ACAN: variants seen among roughly 807,000 people sequenced by gnomAD.
ACAN encodes aggrecan.
ACAN carries 47 observed loss-of-function variants against 169.1 expected under a neutral mutation model. The observed-to-expected ratio is 0.28, with a 90% confidence interval of 0.22 to 0.35. ACAN has a LOEUF of 0.35. Ranked by LOEUF, ACAN falls within the 10% of genes least tolerant of loss-of-function variation. ACAN has a pLI of 1.00. For missense variants in ACAN, 2,716 were observed against 2,759.9 expected, an observed-to-expected ratio of 0.98 and a Z score of 0.36; for synonymous variants, 1,115 against 1,112.2, an observed-to-expected ratio of 1.00 and a Z score of -0.05.
intron 13 of ACAN, among the ~76,000 whole-genome samples, chr15:88,867,600 T>C (rs1897301421): frequency 6.6e-6 from 1 of 152,206 alleles, no homozygotes; most frequent in Non-Finnish European, 1.5e-5. Flanking sequence ...TAATATCTAC[T>C]GAAGACAAAG....
chr15:88,865,444 T>G (rs980295441), intron 13 of ACAN, among the ~76,000 whole-genome samples: 1 of 152,170 alleles, frequency 6.6e-6, no homozygotes, highest in African/African-American at 2.4e-5. Context: ...CTTTCTTTTC[T>G]GTTTTGTTTT....
At position 88,843,018 on chromosome 15, in the gene ACAN, G is replaced by A. The variant is rs562656722; in HGVS notation, c.758-337G>A. ...TGAGTAGGCAATGCTTAACTCCTAG[G>A]AAAGATCCCCCTGTGGTGGAATGCA... On this transcript the variant is annotated intron_variant, in intron 5 of 18. Coordinates refer to ENST00000560601, the MANE Select transcript of ACAN (RefSeq NM_001369268.1). This position sits in a 1 kb window ranked among gnomAD's most constrained non-coding sequence, Gnocchi z 4.0. 2.6e-5 allele frequency among the ~76,000 whole-genome samples: 4 copies of A among 152,328 alleles called. No homozygotes were observed. The highest frequency in any genetic ancestry group is 9.6e-5 in the African/African-American group (4 of 41,578).
intron 11 of ACAN, among the ~76,000 whole-genome samples, chr15:88,853,018 A>G (rs1449860734): frequency 1.3e-5 from 2 of 152,182 alleles, no homozygotes; most frequent in South Asian, 4.1e-4. Flanking sequence ...GCCTCCCTCC[A>G]TATCAGAAGG....
intron 1 of ACAN, among the ~76,000 whole-genome samples, chr15:88,806,160 G>A (rs1164450362): frequency 1.3e-5 from 2 of 152,168 alleles, no homozygotes; most frequent in Non-Finnish European, 2.9e-5. Context: ...CCTCCGATAA[G>A]AGATTTTTGT....
chr15:88,818,841 T>C (rs1896005469), intron 1 of ACAN, among the ~76,000 whole-genome samples: 1 of 152,234 alleles, frequency 6.6e-6, no homozygotes, highest in Non-Finnish European at 1.5e-5. Context: ...ATGGTGATAA[T>C]GGTTGCATAA....
At chr15:88,812,658 C>T (rs1895849477) in intron 1 of ACAN, among the ~76,000 whole-genome samples, 3 of 152,166 alleles carry the variant, frequency 2.0e-5, no homozygotes, top group Non-Finnish European at 4.4e-5. Context: ...GTTCAAATGT[C>T]ACCTCCTCTT....
In ACAN at chr15:88,807,747, A is replaced by AGTGTGTGTGTGTGTGT. The variant is rs33937048; in HGVS notation, c.-8+3962_-8+3977dup. Among the ~76,000 whole-genome samples the AGTGTGTGTGTGTGTGT allele has an allele frequency of 1.6e-4, 23 of 142,088 alleles. No individual in the cohort carries two copies. The highest frequency in any genetic ancestry group is 1.5e-3 in the East Asian group (7 of 4,648). 93.2% of individuals were successfully genotyped at this position (142,088 alleles called of 152,430 possible). A position where few individuals can be genotyped will look rare whatever the true frequency, so the allele number is the denominator to read the frequency against. On this transcript the variant is annotated intron_variant, in intron 1 of 18. Transcript: ENST00000560601. This position sits in a 1 kb window ranked among gnomAD's most constrained non-coding sequence, Gnocchi z 4.0. ...CTCAGAGCCTCCTTATAAGTGGTGG[A>AGTGTGTGTGTGTGTGT]GTGTGTGTGTGTGTGTGTGTGTGTG...
In ACAN at chr15:88,851,665, A is replaced by T; in HGVS notation, c.2027-129A>T. The stretch of plus-strand genomic sequence containing the variant: ...GCTCTTACTAAGCGAGAAGGCAAAC[A>T]GCCATCTGCTGAACTAGGAGGTGGG... On this transcript the variant is annotated intron_variant, in intron 10 of 18. Transcript: ENST00000560601. This position sits in a 1 kb window ranked among gnomAD's most constrained non-coding sequence, Gnocchi z 4.3. 1 of 1,131,978 alleles carries T rather than the reference A, an allele frequency of 8.8e-7. No homozygotes were observed. Among genetic ancestry groups the T allele is most frequent in the Non-Finnish European group, 1.2e-6 (1 of 816,394 alleles). 70.1% of individuals were successfully genotyped at this position (1,131,978 alleles called of 1,614,324 possible). A position where few individuals can be genotyped will look rare whatever the true frequency, so the allele number is the denominator to read the frequency against.
intron 13 of ACAN, among the ~76,000 whole-genome samples, chr15:88,862,664 A>G (rs982729290): frequency 6.6e-6 from 1 of 152,150 alleles, no homozygotes; most frequent in Non-Finnish European, 1.5e-5. Flanking sequence ...GTGACCCACG[A>G]TTGTCTTGCA....
At chr15:88,820,479 C>T (rs146858269) in intron 1 of ACAN, among the ~76,000 whole-genome samples, 3 of 152,278 alleles carry the variant, frequency 2.0e-5, no homozygotes, top group African/African-American at 7.2e-5. Flanking sequence ...ATCTTGGAGG[C>T]CTCTTCAGAA....
chr15:88,834,634 T>C (rs562511324), intron 1 of ACAN, among the ~76,000 whole-genome samples: 1 of 152,356 alleles, frequency 6.6e-6, no homozygotes, highest in African/African-American at 2.4e-5. Context: ...CCTCCCTCTG[T>C]GATGCAAGCA....
chr15:88,855,240 G>T lies in ACAN; in HGVS notation c.2655G>T (p.Gln885His). 3 of 1,604,660 alleles carry T rather than the reference G, an allele frequency of 1.9e-6. No homozygotes were observed. The highest frequency in any genetic ancestry group is 2.6e-6 in the Non-Finnish European group (3 of 1,172,564). The part of the protein sequence containing the change: ...DVSGHLDFSG[Q>H]LSGDRASGLP... ...CAGGACACCTTGACTTCAGTGGGCA[G>T]CTGTCAGGGGACAGGGCAAGTGGAC... Residue 885 changes from glutamine to histidine, a missense_variant, in exon 12 of 19, where the codon CAG becomes CAT. By Grantham distance (24) the Gln-to-His change is conservative (BLOSUM62 0). Transcript: ENST00000560601.
intron 1 of ACAN, among the ~76,000 whole-genome samples, chr15:88,805,440 A>G (rs1265724903): frequency 6.6e-6 from 1 of 152,234 alleles, no homozygotes; most frequent in Non-Finnish European, 1.5e-5. Context: ...GAATTGTCCA[A>G]AGGAAGAAGA....
At chr15:88,832,262 G>C (rs1034773299) in intron 1 of ACAN, among the ~76,000 whole-genome samples, 1 of 150,340 alleles carries the variant, frequency 6.7e-6, no homozygotes, top group African/African-American at 2.5e-5. Context: ...CAAATAGCAT[G>C]CAAAAAGATT....
At chr15:88,867,760 G>A (rs1771602545) in intron 13 of ACAN, among the ~76,000 whole-genome samples, 1 of 152,086 alleles carries the variant, frequency 6.6e-6, no homozygotes, top group South Asian at 2.1e-4. Flanking sequence ...AACTACAAAG[G>A]AAGCCAGGAA....
rs778230200 is a variant in ACAN, at chr15:88,849,904, A to G, written c.2026+173A>G. 1 of 917,662 alleles carries G rather than the reference A, an allele frequency of 1.1e-6. No individual in the cohort carries two copies. The highest frequency in any genetic ancestry group is 2.0e-5 in the Admixed American group (1 of 49,994). The allele number at this position is 917,662 out of a possible 1,614,324, so 56.8% of individuals were successfully genotyped here. ...ACAACGCAGGCTTTGACCCCAAGGC[A>G]AGGTCATCCTTCTAAAGTTCCCCAG... On this transcript the variant is annotated intron_variant, in intron 10 of 18. Coordinates refer to ENST00000560601, the MANE Select transcript of ACAN (RefSeq NM_001369268.1). This position sits in a 1 kb window ranked among gnomAD's most constrained non-coding sequence, Gnocchi z 5.1.
chr15:88,847,965 A>G lies in ACAN; in HGVS notation c.1659A>G (p.Pro553=). Residue 553 remains proline (P), a synonymous_variant, in exon 9 of 19, where the codon CCA becomes CCG. Coordinates refer to ENST00000560601, the MANE Select transcript of ACAN (RefSeq NM_001369268.1). ...GCGTGGGTGACAAGGACAGCAGCCC[A>G]GGGGTCAGGACCTATGGCGTGCGCC... ...TPCVGDKDSS[P]GVRTYGVRPS... The G allele has an allele frequency of 6.2e-7, 1 of 1,614,016 alleles. No homozygotes were observed. The highest frequency in any genetic ancestry group is 8.5e-7 in the Non-Finnish European group (1 of 1,179,876).
At chr15:88,842,993 T>C (rs56238630) in intron 5 of ACAN, among the ~76,000 whole-genome samples, 9,341 of 152,256 alleles carry the variant, frequency 0.061, 521 homozygotes, top group African/African-American at 0.15. Flanking sequence ...GGATTTGCCT[T>C]GAGTAGGCAA....
intron 1 of ACAN, among the ~76,000 whole-genome samples, chr15:88,815,809 T>C (rs1348083599): frequency 6.6e-6 from 1 of 152,150 alleles, no homozygotes; most frequent in Admixed American, 6.6e-5. Context: ...AGTAGTGTTA[T>C]AATAAAAAGT....
Sources: gnomAD v4.1 joint callset for allele counts (sites outside exome capture counted in the v4.1 genomes callset) on GRCh38, gnomAD v4.1.1 for gene constraint, Gnocchi (gnomAD v3.1) non-coding constraint, MANE v1.5 for transcripts, NCBI Gene and HGNC (gene_info 2026-07-23, HGNC 2026-07-21) for gene names.